Variants in SGCG observed in about 807,000 individuals in gnomAD.
The protein encoded by SGCG is gamma-sarcoglycan.
Under a neutral mutation model 29.3 loss-of-function variants are expected in SGCG, and 26 were observed. The observed-to-expected ratio is 0.89, with a 90% confidence interval of 0.65 to 1.23. The LOEUF (loss-of-function observed/expected upper bound fraction) is 1.23, where lower values mean the gene tolerates loss of function less well. Ranked by LOEUF, SGCG falls within the 50% of genes most tolerant of loss-of-function variation. The pLI is 0.00. For missense variants in SGCG, 353 were observed against 356.0 expected (o/e 0.99, Z 0.07); for synonymous variants, 145 against 129.7 (o/e 1.12, Z -0.80).
At chr13:23,190,705 C>T (rs1282963310) in intron 1 of SGCG, among the ~76,000 whole-genome samples, 1 of 152,142 alleles carries the variant, frequency 6.6e-6, no homozygotes, top group South Asian at 2.1e-4. Flanking sequence ...AATTGACCCA[C>T]TATATTTACA....
chr13:23,250,741 C>T (rs771985619), intron 4 of SGCG, 24 bp downstream of exon 4: 27 of 1,357,844 alleles, frequency 2.0e-5, no homozygotes, highest in Non-Finnish European at 2.9e-5. Context: ...CATCATGGTG[C>T]TTTGCATGCA....
chr13:23,313,495 A>G (rs1370972715), intron 6 of SGCG, among the ~76,000 whole-genome samples: 1 of 152,204 alleles, frequency 6.6e-6, no homozygotes, highest in Non-Finnish European at 1.5e-5. Flanking sequence ...CATTAATATG[A>G]CATGAGCAAT....
chr13:23,317,949 T>C (rs1185197984), intron 6 of SGCG, among the ~76,000 whole-genome samples: 1 of 152,156 alleles, frequency 6.6e-6, no homozygotes, highest in East Asian at 1.9e-4. Flanking sequence ...CCACCCTTAA[T>C]TGGGTGGGCA....
upstream of SGCG, among the ~76,000 whole-genome samples, chr13:23,180,795 A>G (rs956812823): frequency 6.6e-6 from 1 of 152,200 alleles, no homozygotes; most frequent in African/African-American, 2.4e-5. Flanking sequence ...TGTTTTTGGC[A>G]TGCGAAGAGC....
chr13:23,286,181 A>G (rs1881488847), intron 5 of SGCG, among the ~76,000 whole-genome samples: 1 of 152,232 alleles, frequency 6.6e-6, no homozygotes, highest in South Asian at 2.1e-4. Context: ...TCAGTGCTTT[A>G]TACTACAAAG....
At chr13:23,251,678 CAG>C (rs1337035726) in intron 4 of SGCG, among the ~76,000 whole-genome samples, 4 of 151,908 alleles carry the variant, frequency 2.6e-5, no homozygotes, top group Non-Finnish European at 2.9e-5. Context: ...GAGTCTGAGA[CAG>C]GGAGGATCAC....
intron 1 of SGCG, among the ~76,000 whole-genome samples, chr13:23,186,198 C>T (rs1348884881): frequency 6.6e-6 from 1 of 152,202 alleles, no homozygotes; most frequent in African/African-American, 2.4e-5. Context: ...AGGGTCTTAG[C>T]CTTGGTCACC....
chr13:23,279,220 T>C, intron 4 of SGCG, 139 bp from the exon 5 acceptor site: 2 of 741,376 alleles, frequency 2.7e-6, no homozygotes, highest in Non-Finnish European at 2.2e-6. Flanking sequence ...AATCACAGAA[T>C]CAATCAATAC....
rs775219732 is a variant in SGCG at position 23,234,762 on chromosome 13, T to C, written c.297+50T>C. On this transcript the variant is annotated intron_variant, in intron 3 of 7. Transcript: ENST00000218867. ...TTTGTGCTTTATGAAAAATAAATCA[T>C]GTTTAAGCACAAAAATTCAGTACAG... is the stretch of plus-strand genomic sequence containing the variant. The C allele has an allele frequency of 3.9e-6, 5 of 1,276,198 alleles. No individual in the cohort carries two copies. In the Admixed American group the frequency reaches 6.7e-5, roughly 17 times the overall value. The allele number at this position is 1,276,198 out of a possible 1,614,324, so 79.1% of individuals were successfully genotyped here.
the SGCG span, among the ~76,000 whole-genome samples, chr13:23,166,978 G>T: frequency 1.3e-5 from 2 of 152,058 alleles, no homozygotes; most frequent in Non-Finnish European, 2.9e-5. Flanking sequence ...TAGTCATCCT[G>T]TTGTGCTATC....
chr13:23,306,660 T>C (rs1013892067), intron 6 of SGCG, among the ~76,000 whole-genome samples: 1 of 152,238 alleles, frequency 6.6e-6, no homozygotes, highest in Non-Finnish European at 1.5e-5. Context: ...CAAGTTAATA[T>C]CTTAAGTCTT....
At chr13:23,312,153 T>C (rs1317314452) in intron 6 of SGCG, among the ~76,000 whole-genome samples, 2 of 152,200 alleles carry the variant, frequency 1.3e-5, no homozygotes, top group Non-Finnish European at 2.9e-5. Context: ...GCATCTAGAT[T>C]CATTCAGATG....
intron 2 of SGCG, 75 bp downstream of exon 2, chr13:23,203,964 G>C: frequency 9.1e-7 from 1 of 1,093,144 alleles, no homozygotes; most frequent in South Asian, 1.3e-5. Context: ...TGTATTGATA[G>C]GAGTTTCCTT....
intron 1 of SGCG, among the ~76,000 whole-genome samples, chr13:23,193,355 G>A (rs1411353342): frequency 6.6e-6 from 1 of 152,188 alleles, no homozygotes; most frequent in Non-Finnish European, 1.5e-5. Flanking sequence ...CTTGTTGGGT[G>A]CCATGTGGAG....
chr13:23,208,022 T>C (rs1878046636), intron 2 of SGCG, among the ~76,000 whole-genome samples: 1 of 152,140 alleles, frequency 6.6e-6, no homozygotes, highest in Admixed American at 6.5e-5. Context: ...TTCTTGAACA[T>C]TAACATCCCA....
At chr13:23,210,038 T>G (rs17078474) in intron 2 of SGCG, among the ~76,000 whole-genome samples, 13,937 of 152,238 alleles carry the variant, frequency 0.092, 851 homozygotes, top group South Asian at 0.2. Flanking sequence ...TGACCATTTA[T>G]TAACAGAGAA....
rs530022590 is a variant in SGCG, at chr13:23,198,761, G to A, written c.1-4934G>A. On this transcript the variant is annotated intron_variant, in intron 1 of 7. Transcript: ENST00000218867. ...CTCAGGAGGCTGAGGCAGGAGAATC[G>A]CTTGAACCCGGGAGGTGGAGGTTGT... 2.5e-4 allele frequency among the ~76,000 whole-genome samples: 37 copies of A among 145,974 alleles called. 1 individual carries two copies. The South Asian group carries it at 5.7e-3, about 23-fold the overall frequency.
At chr13:23,262,950 C>G (rs2137589349) in intron 4 of SGCG, among the ~76,000 whole-genome samples, 1 of 151,812 alleles carries the variant, frequency 6.6e-6, no homozygotes, top group Non-Finnish European at 1.5e-5. Flanking sequence ...AAAAATGTTT[C>G]AAAGTGAATA....
At chr13:23,227,919 TC>T (rs1241261773) in intron 2 of SGCG, among the ~76,000 whole-genome samples, 1 of 152,130 alleles carries the variant, frequency 6.6e-6, no homozygotes, top group African/African-American at 2.4e-5. Context: ...CAAGGGATCC[TC>T]CCCGCTCAGC....
Sources: allele counts gnomAD v4.1 joint callset (sites outside exome capture counted in the v4.1 genomes callset), GRCh38; gene constraint gnomAD v4.1.1; transcripts MANE v1.5; gene names NCBI Gene and HGNC (gene_info 2026-07-23, HGNC 2026-07-21).